CCDC138: variants seen among roughly 807,000 people sequenced by gnomAD.
CCDC138 encodes coiled-coil domain containing 138, also known as coiled-coil domain-containing protein 138.
CCDC138 carries 66 observed loss-of-function variants against 82.3 expected under a neutral mutation model. That is an observed-to-expected ratio of 0.80 (90% CI 0.66 to 0.98). The LOEUF is 0.98. Among genes scored for constraint, CCDC138 ranks in the 50% least tolerant of loss-of-function variants. CCDC138 has a pLI of 0.00. For synonymous variants in CCDC138, 297 were observed against 265.4 expected, an observed-to-expected ratio of 1.12 and a Z score of -1.16; for missense variants, 816 against 758.9, an observed-to-expected ratio of 1.08 and a Z score of -0.88.
At chr2:108,813,394 A>G (rs1162775545) in intron 9 of CCDC138, among the ~76,000 whole-genome samples, 1 of 151,904 alleles carries the variant, frequency 6.6e-6, no homozygotes, top group East Asian at 1.9e-4. Context: ...ATAATTTTTT[A>G]ATAGGGAAAT....
intron 13 of CCDC138, among the ~76,000 whole-genome samples, chr2:108,866,986 A>G (rs988004048): frequency 6.6e-6 from 1 of 152,154 alleles, no homozygotes; most frequent in Admixed American, 6.6e-5. Context: ...AGATACATGT[A>G]AACAGATTAT....
chr2:108,846,840 A>G lies in CCDC138; in HGVS notation c.1426A>G (p.Asn476Asp). 1 of 1,613,600 alleles carries G rather than the reference A, an allele frequency of 6.2e-7. No homozygotes were observed. Among genetic ancestry groups the G allele is most frequent in the Non-Finnish European group, 8.5e-7 (1 of 1,179,632 alleles). ...QDNSPQHSVE[N>D]KPKTAAFFKS... ...TAATTCTCCACAGCATTCTGTGGAGAATAAACCAAAGACAGCTGCTTTCTT... is the reference window on the plus strand; with the variant it reads ...TAATTCTCCACAGCATTCTGTGGAGGATAAACCAAAGACAGCTGCTTTCTT... Residue 476 changes from asparagine to aspartate, a missense_variant, in exon 12 of 15, where the codon AAT (asparagine) becomes GAT (aspartate). Coordinates refer to ENST00000295124, the MANE Select transcript of CCDC138 (RefSeq NM_144978.3).
Position 108,836,362 on chromosome 2 carries a change from T to C in CCDC138, c.1207-2823T>C, listed in dbSNP as rs578141227. Among the ~76,000 whole-genome samples, 3 of 152,352 alleles carry C rather than the reference T, an allele frequency of 2.0e-5. No homozygotes were observed. The East Asian group carries it at 5.8e-4, about 29-fold the overall frequency. ...TTCCTTCCTTTCTAAGGTGGAACAA[T>C]ATTTGTTTATGCATGAATACCACAT... is the stretch of plus-strand genomic sequence containing the variant. On this transcript the variant is annotated intron_variant, in intron 10 of 14. Transcript: ENST00000295124.
chr2:108,829,434 A>G (rs1687169576), intron 10 of CCDC138, among the ~76,000 whole-genome samples: 1 of 152,226 alleles, frequency 6.6e-6, no homozygotes, highest in Non-Finnish European at 1.5e-5. Flanking sequence ...GTAAGATACC[A>G]CTTAACACCT....
chr2:108,838,099 G>T (rs1688871226), intron 10 of CCDC138, among the ~76,000 whole-genome samples: 1 of 151,952 alleles, frequency 6.6e-6, no homozygotes, highest in South Asian at 2.1e-4. Flanking sequence ...CTCTAGGGGT[G>T]GTCCCTAGTG....
intron 10 of CCDC138, among the ~76,000 whole-genome samples, chr2:108,831,210 G>A (rs7585888): frequency 0.85 from 129,760 of 152,150 alleles, 55,744 homozygotes; most frequent in East Asian, 1. Flanking sequence ...GACAATGTCA[G>A]ATCATCACTG....
intron 13 of CCDC138, 129 bp from the exon 14 acceptor site, chr2:108,873,322 T>G (rs1202356802): frequency 1.8e-5 from 15 of 854,110 alleles, no homozygotes; most frequent in Non-Finnish European, 2.4e-5. Context: ...ACTCAAAAAT[T>G]TAAGTATGAA....
chr2:108,816,324 G>T (rs1008662169), intron 10 of CCDC138, among the ~76,000 whole-genome samples: 1 of 152,086 alleles, frequency 6.6e-6, no homozygotes, highest in Non-Finnish European at 1.5e-5. Context: ...TTTGGCACGT[G>T]CCTGTAATCT....
chr2:108,885,328 A>AG (rs1007660789), exon 3 of CCDC138: 38 of 152,338 alleles, frequency 2.5e-4, no homozygotes, highest in African/African-American at 8.4e-4. Flanking sequence ...TTAGGCTGAG[A>AG]GAAAAAGTTA....
At position 108,856,989 on chromosome 2, in the gene CCDC138, T is replaced by C; in HGVS notation, c.1693+19T>C. 6.9e-7 allele frequency: 1 copy of C among 1,445,474 alleles called. No homozygotes were observed. The highest frequency in any genetic ancestry group is 9.5e-7 in the Non-Finnish European group (1 of 1,048,796). 89.5% of individuals were successfully genotyped at this position (1,445,474 alleles called of 1,614,324 possible). A position where few individuals can be genotyped will look rare whatever the true frequency, so the allele number is the denominator to read the frequency against. On this transcript the variant is annotated intron_variant, in intron 13 of 14. Transcript: ENST00000295124. ...GAATCTAGTAAGTTTTTAAGTTCTA[T>C]ATGTGTAAAGAAAGCAGGATGATTT...
exon 2 of CCDC138, chr2:108,882,696 C>T (rs1696326414): frequency 6.6e-6 from 1 of 152,210 alleles, no homozygotes; most frequent in South Asian, 2.1e-4. Context: ...CTTCTGATGT[C>T]CACATGTCTC....
rs565563298 is a variant in CCDC138 at position 108,809,151 on chromosome 2, CTCTATGCTGTTCCATTAG to C, written c.856-3473_856-3456del. Among the ~76,000 whole-genome samples the C allele has an allele frequency of 7.9e-5, 12 of 152,232 alleles. No homozygotes were observed. The East Asian group carries it at 2.3e-3, about 29-fold the overall frequency. On this transcript the variant is annotated intron_variant, in intron 7 of 14. Transcript: ENST00000295124. ...AAATGTGTGGATTTATTTCTGAGTTCTCTATGCTGTTCCATTAGTCTATGTGTCTGTTTTTATGCCAAT... is the reference window on the plus strand; with the variant it reads ...AAATGTGTGGATTTATTTCTGAGTTCTCTATGTGTCTGTTTTTATGCCAAT...
At chr2:108,859,967 T>C (rs2104761206) in intron 13 of CCDC138, among the ~76,000 whole-genome samples, 1 of 152,318 alleles carries the variant, frequency 6.6e-6, no homozygotes, top group East Asian at 1.9e-4. Context: ...TTATGTCATC[T>C]GTGATTTCCT....
chr2:108,794,706 ACATCTGAAATTG>A lies in CCDC138; in HGVS notation c.564_575del (p.His188_Leu191del). ...AGATATATGACGAATTATTTCAGAT[ACATCTGAAATTG>A]CAGGTAAGAACTAAATACTGAATCG... is the stretch of plus-strand genomic sequence containing the variant. On this transcript the variant is annotated inframe_deletion, in exon 5 of 15. Transcript: ENST00000295124. The A allele has an allele frequency of 6.2e-7, 1 of 1,603,784 alleles. No homozygotes were observed. Among genetic ancestry groups the A allele is most frequent in the South Asian group, 1.1e-5 (1 of 90,692 alleles).
At chr2:108,811,543 T>C (rs113904597) in intron 7 of CCDC138, among the ~76,000 whole-genome samples, 153 of 152,168 alleles carry the variant, frequency 1.0e-3, no homozygotes, top group African/African-American at 3.5e-3. Context: ...GCACTCAGCC[T>C]CTTCTTTTTT....
chr2:108,881,806 A>C (rs893551761), intron 1 of CCDC138, among the ~76,000 whole-genome samples: 1 of 152,204 alleles, frequency 6.6e-6, no homozygotes, highest in Non-Finnish European at 1.5e-5. Flanking sequence ...GCTGTCTTAC[A>C]TGGGTGTGGT....
chr2:108,874,337 G>A (rs1318041779), intron 14 of CCDC138, among the ~76,000 whole-genome samples: 1 of 152,042 alleles, frequency 6.6e-6, no homozygotes, highest in East Asian at 1.9e-4. Context: ...AGAATCATGG[G>A]CTTTGTTTCC....
chr2:108,834,430 GTAT>G (rs1688255590), intron 10 of CCDC138, among the ~76,000 whole-genome samples: 1 of 151,426 alleles, frequency 6.6e-6, no homozygotes, highest in Non-Finnish European at 1.5e-5. Context: ...GGCCAGGCTG[GTAT>G]TGAACAGCTG....
intron 12 of CCDC138, 86 bp from the exon 13 acceptor site, chr2:108,856,708 G>A: frequency 8.0e-7 from 1 of 1,254,104 alleles, no homozygotes; most frequent in Non-Finnish European, 1.1e-6. Context: ...GTTTGTTAAA[G>A]TAACGACATT....
Sources: allele counts gnomAD v4.1 joint callset (sites outside exome capture counted in the v4.1 genomes callset), GRCh38; gene constraint gnomAD v4.1.1; transcripts MANE v1.5; gene names NCBI Gene and HGNC (gene_info 2026-07-23, HGNC 2026-07-21).